The following PTPRD variants were observed in gnomAD, a reference collection of about 807,000 sequenced individuals.
PTPRD encodes protein tyrosine phosphatase receptor type D, also known as receptor-type tyrosine-protein phosphatase delta.
PTPRD carries 34 observed loss-of-function variants against 214.5 expected under a neutral mutation model. That is an observed-to-expected ratio of 0.16 (90% confidence interval 0.12 to 0.21). PTPRD has a LOEUF of 0.21. Among genes scored for constraint, PTPRD ranks in the 10% least tolerant of loss-of-function variants. PTPRD has a pLI of 1.00. For missense variants in PTPRD, 2,545 were observed against 2,398.7 expected, an observed-to-expected ratio of 1.06 and a Z score of -1.27; for synonymous variants, 1,128 against 845.7, an observed-to-expected ratio of 1.33 and a Z score of -5.79.
chr9:9,217,134 G>A (rs1248034423), intron 9 of PTPRD, among the ~76,000 whole-genome samples: 1 of 152,104 alleles, frequency 6.6e-6, no homozygotes, highest in Non-Finnish European at 1.5e-5. Context: ...TCCACTGGGA[G>A]GCTGTAGGGC....
intron 3 of PTPRD, among the ~76,000 whole-genome samples, chr9:10,323,172 CTCTT>C (rs200658581): frequency 0.011 from 1,661 of 149,452 alleles, 21 homozygotes; most frequent in Middle Eastern, 0.028. Flanking sequence ...TTTTCTTTCT[CTCTT>C]TCTTTTCTTT....
At chr9:9,029,037 T>C (rs186457564) in intron 10 of PTPRD, among the ~76,000 whole-genome samples, 20 of 151,996 alleles carry the variant, frequency 1.3e-4, no homozygotes, top group African/African-American at 4.1e-4. Flanking sequence ...AATTGAGATG[T>C]ACAATTGTGA....
At chr9:9,576,740 T>C (rs570520528) in intron 7 of PTPRD, among the ~76,000 whole-genome samples, 2 of 152,330 alleles carry the variant, frequency 1.3e-5, no homozygotes, top group Admixed American at 6.5e-5. Context: ...TTGTTATTAC[T>C]ATTTTATTAC....
intron 2 of PTPRD, among the ~76,000 whole-genome samples, chr9:10,469,520 G>A (rs1474945626): frequency 1.3e-5 from 2 of 151,824 alleles, no homozygotes; most frequent in Non-Finnish European, 2.9e-5. Flanking sequence ...TTTATGAAAC[G>A]TGAAAAGCTC....
chr9:8,863,168 C>A lies in PTPRD; in HGVS notation c.-103-129222G>T, dbSNP rs1168439582. Among the ~76,000 whole-genome samples, 3 of 152,352 alleles carry A rather than the reference C, an allele frequency of 2.0e-5. No homozygotes were observed. The East Asian group carries it at 5.8e-4, about 29-fold the overall frequency. On this transcript the variant is annotated intron_variant, in intron 11 of 45. Coordinates refer to ENST00000381196, the MANE Select transcript of PTPRD (RefSeq NM_002839.4). ...GTTCAGCTGCTGCACTTCACCCTCA[C>A]CTGCAGTGTGTAGAGGACGTTATGG...
chr9:9,595,542 ATGTGTGTT>A (rs888368637), intron 7 of PTPRD, among the ~76,000 whole-genome samples: 5 of 80,682 alleles, frequency 6.2e-5, no homozygotes, highest in Non-Finnish European at 1.3e-4. Flanking sequence ...ATGCATATGT[ATGTGTGTT>A]TGTGTGTGTG....
intron 3 of PTPRD, among the ~76,000 whole-genome samples, chr9:10,327,339 C>G (rs576883637): frequency 6.6e-6 from 1 of 151,350 alleles, no homozygotes; most frequent in African/African-American, 2.4e-5. Flanking sequence ...ACGACCAGAT[C>G]ATTTATCATT....
At chr9:9,832,371 C>T (rs2055171140) in intron 5 of PTPRD, among the ~76,000 whole-genome samples, 1 of 151,870 alleles carries the variant, frequency 6.6e-6, no homozygotes, top group African/African-American at 2.4e-5. Flanking sequence ...GTGTATTTTT[C>T]AGGACCAAAA....
chr9:8,513,499 T>C (rs1040577126), intron 21 of PTPRD, among the ~76,000 whole-genome samples: 2 of 152,032 alleles, frequency 1.3e-5, no homozygotes, highest in Admixed American at 6.6e-5. Context: ...ATTAAATGAG[T>C]ACCTTTTAGA....
At chr9:10,346,130 G>C (rs1391466553) in intron 2 of PTPRD, among the ~76,000 whole-genome samples, 1 of 152,096 alleles carries the variant, frequency 6.6e-6, no homozygotes, top group Admixed American at 6.5e-5. Context: ...GAAATTAATA[G>C]GATTCTAAGC....
intron 7 of PTPRD, among the ~76,000 whole-genome samples, chr9:9,606,249 G>A (rs1248422450): frequency 6.6e-6 from 1 of 152,026 alleles, no homozygotes; most frequent in Non-Finnish European, 1.5e-5. Context: ...TTTATCGATG[G>A]AGATGTCATT....
intron 4 of PTPRD, among the ~76,000 whole-genome samples, chr9:9,988,947 A>T (rs1468308631): frequency 7.0e-6 from 1 of 142,320 alleles, no homozygotes; most frequent in Non-Finnish European, 1.5e-5. Context: ...TGGACCAATG[A>T]CTGTACAACA....
intron 7 of PTPRD, among the ~76,000 whole-genome samples, chr9:9,669,415 G>T (rs2096783813): frequency 6.6e-6 from 1 of 152,028 alleles, no homozygotes. Flanking sequence ...ATTGAAAGAA[G>T]GAGACCAAAA....
chr9:9,095,542 C>T (rs548787229), intron 10 of PTPRD, among the ~76,000 whole-genome samples: 2 of 152,216 alleles, frequency 1.3e-5, no homozygotes, highest in Non-Finnish European at 2.9e-5. Flanking sequence ...TCTCCTGGGA[C>T]TTGTCTCCAA....
At position 9,734,109 on chromosome 9, in the gene PTPRD, A is replaced by G. The variant is rs143162987; in HGVS notation, c.-287+424T>C. Among the ~76,000 whole-genome samples the G allele has an allele frequency of 4.3e-3, 652 of 152,298 alleles. 4 individuals carry two copies. The highest frequency in any genetic ancestry group is 0.015 in the African/African-American group (605 of 41,578). On this transcript the variant is annotated intron_variant, in intron 7 of 45. Transcript: ENST00000381196. The stretch of plus-strand genomic sequence containing the variant: ...ATGTAAATTATACTCTCAGCATTGT[A>G]CTACTGAAAAACTTTTAAACACCCA...
chr9:8,813,706 C>T (rs1023743666), intron 11 of PTPRD, among the ~76,000 whole-genome samples: 3 of 152,130 alleles, frequency 2.0e-5, no homozygotes, highest in African/African-American at 4.8e-5. Context: ...CTGTGAGGCT[C>T]GCTTCTCTTA....
chr9:9,759,223 G>C lies in PTPRD; in HGVS notation c.-326+7587C>G, dbSNP rs555784586. On this transcript the variant is annotated intron_variant, in intron 6 of 45. Transcript: ENST00000381196. ...CCTATAGTAATACACATATGGTCTA[G>C]CCTGTGTTCAGTCAGTCTGTACTGG... is the stretch of plus-strand genomic sequence containing the variant. Among the ~76,000 whole-genome samples the C allele has an allele frequency of 3.9e-5, 6 of 152,208 alleles. No homozygotes were observed. The South Asian group carries it at 6.2e-4, about 16-fold the overall frequency.
chr9:9,023,363 G>A (rs78734166), intron 10 of PTPRD, among the ~76,000 whole-genome samples: 13 of 151,884 alleles, frequency 8.6e-5, no homozygotes, highest in South Asian at 4.2e-4. Context: ...TGTGCATTAC[G>A]TTTTTCTTTC....
chr9:10,509,953 T>C (rs1275943128), intron 2 of PTPRD, among the ~76,000 whole-genome samples: 1 of 152,074 alleles, frequency 6.6e-6, no homozygotes, highest in Non-Finnish European at 1.5e-5. Context: ...TTCACTCTAG[T>C]ATTCCTATTT....
Sources: gnomAD v4.1 joint callset for allele counts (sites outside exome capture counted in the v4.1 genomes callset) on GRCh38, gnomAD v4.1.1 for gene constraint, MANE v1.5 for transcripts, NCBI Gene and HGNC (gene_info 2026-07-23, HGNC 2026-07-21) for gene names.